RASIP1: variants seen among roughly 807,000 people sequenced by gnomAD.
RASIP1 encodes ras-interacting protein 1.
A neutral mutation model predicts 85.3 loss-of-function variants in RASIP1; 20 were observed. The observed-to-expected ratio is 0.23, with a 90% CI of 0.17 to 0.34. The LOEUF is 0.34. RASIP1 is among the 10% of genes least tolerant of loss of function. RASIP1 has a pLI of 1.00. For missense variants in RASIP1, 1,170 were observed against 1,390.9 expected, an observed-to-expected ratio of 0.84 and a Z score of 2.53; for synonymous variants, 617 against 647.1, an observed-to-expected ratio of 0.95 and a Z score of 0.71.
intron 11 of RASIP1, among the ~76,000 whole-genome samples, chr19:48,721,342 G>T (rs922805809): frequency 1.3e-5 from 2 of 152,078 alleles, no homozygotes; most frequent in Non-Finnish European, 2.9e-5. Flanking sequence ...GGCTGGTGGA[G>T]GGAATGGACT....
intron 3 of RASIP1, chr19:48,737,727 A>G: frequency 1.0e-6 from 1 of 984,902 alleles, no homozygotes; most frequent in South Asian, 4.7e-5. Context: ...TACCACAGAG[A>G]CCCATGCTCA....
At chr19:48,733,836 A>G (rs2033511606) in intron 4 of RASIP1, among the ~76,000 whole-genome samples, 1 of 150,846 alleles carries the variant, frequency 6.6e-6, no homozygotes, top group African/African-American at 2.4e-5. Flanking sequence ...GGGAGGGGGC[A>G]GTGCACTCCT....
At chr19:48,725,646 G>A (rs940126336) in intron 8 of RASIP1, 3 of 152,242 alleles carry the variant, frequency 2.0e-5, no homozygotes, top group African/African-American at 7.2e-5. Context: ...AAGATCTGTC[G>A]TTCTGAAAGG....
At chr19:48,730,932 G>C (rs537255370) in intron 4 of RASIP1, among the ~76,000 whole-genome samples, 1 of 152,046 alleles carries the variant, frequency 6.6e-6, no homozygotes, top group African/African-American at 2.4e-5. Context: ...CACAAGAATC[G>C]CTTGAACCCA....
In RASIP1 at chr19:48,739,617, T is replaced by C. The variant is rs2033633391; in HGVS notation, c.166A>G (p.Ser56Gly). The change falls in exon 3 of 12, where the codon AGC becomes GGC. Residue 56 changes from serine (S) to glycine (G), a missense_variant. Coordinates refer to ENST00000222145, the MANE Select transcript of RASIP1 (RefSeq NM_017805.3). This position sits in a 1 kb window ranked among gnomAD's most constrained non-coding sequence, Gnocchi z 9.2. ...KSSSSDTGSR[S>G]SEPLPPPPPH... ...GGGGGCGGAGGTAGCGGCTCGCTGC[T>C]GCGGCTCCCCGTGTCCGACGAAGAA... 3 of 1,453,174 alleles carry C rather than the reference T, an allele frequency of 2.1e-6. No individual in the cohort carries two copies. Among genetic ancestry groups the C allele is most frequent in the Non-Finnish European group, 2.7e-6 (3 of 1,102,718 alleles). 90.0% of individuals were successfully genotyped at this position (1,453,174 alleles called of 1,614,324 possible).
intron 4 of RASIP1, among the ~76,000 whole-genome samples, chr19:48,732,286 C>CT (rs2033473744): frequency 6.6e-6 from 1 of 150,666 alleles, no homozygotes; most frequent in South Asian, 2.1e-4. Flanking sequence ...GACGGAGTCT[C>CT]TCTCTGTTGC....
chr19:48,728,827 G>C (rs1374441507), intron 5 of RASIP1, 110 bp downstream of exon 5: 12 of 1,172,542 alleles, frequency 1.0e-5, no homozygotes, highest in African/African-American at 1.6e-5. Flanking sequence ...AGGCGTCATG[G>C]GAACAGTAGT....
At position 48,721,016 on chromosome 19, in the gene RASIP1, C is replaced by CGCGGTTTT. The variant is rs781492022; in HGVS notation, c.2693-20_2693-19insAAAACCGC. The CGCGGTTTT allele has an allele frequency of 6.4e-7, 1 of 1,565,558 alleles. No individual in the cohort carries two copies. The highest frequency in any genetic ancestry group is 8.6e-7 in the Non-Finnish European group (1 of 1,156,634). On this transcript the variant is annotated intron_variant, in intron 11 of 11. Transcript: ENST00000222145. ...ATGTCCCCTGTGAGGCCGAAGGCGGCGCGGTTAGAGTCTGAAAGTGGGAGT... is the reference window on the plus strand; with the variant it reads ...ATGTCCCCTGTGAGGCCGAAGGCGGCGCGGTTTTGCGGTTAGAGTCTGAAAGTGGGAGT...
At position 48,724,134 on chromosome 19, in the gene RASIP1, C is replaced by G. The variant is rs1283158027; in HGVS notation, c.2544+203G>C. 6.6e-6 allele frequency among the ~76,000 whole-genome samples: 1 copy of G among 152,154 alleles called. No individual in the cohort carries two copies. The highest frequency in any genetic ancestry group is 2.4e-5 in the African/African-American group (1 of 41,436). On this transcript the variant is annotated intron_variant, in intron 10 of 11. Coordinates refer to ENST00000222145, the MANE Select transcript of RASIP1 (RefSeq NM_017805.3). The surrounding 1 kb of genome is among the most constrained non-coding windows in gnomAD (Gnocchi z 4.6). The stretch of plus-strand genomic sequence containing the variant: ...GGAAACTATTTTTAATAAGTTCCAC[C>G]AGGATTCAGACACAGCCGAGTTTAG...
chr19:48,737,635 T>G, intron 3 of RASIP1: 1 of 985,396 alleles, frequency 1.0e-6, no homozygotes, highest in Non-Finnish European at 1.2e-6. Flanking sequence ...TCACTCACTC[T>G]GCAGGTGTCG....
Position 48,740,181 on chromosome 19 carries a change from C to A in RASIP1, c.102G>T (p.Lys34Asn). 1 of 1,595,558 alleles carries A rather than the reference C, an allele frequency of 6.3e-7. No homozygotes were observed. Among genetic ancestry groups the A allele is most frequent in the Non-Finnish European group, 8.5e-7 (1 of 1,173,712 alleles). The change falls in exon 2 of 12, where the codon AAG becomes AAT. Residue 34 changes from lysine to asparagine, a missense_variant. This residue lies in a region of RASIP1 where 299 missense variants were observed against 394.4 expected (regional missense o/e 0.76). Transcript: ENST00000222145. This position sits in a 1 kb window ranked among gnomAD's most constrained non-coding sequence, Gnocchi z 5.5. The part of the protein sequence containing the change: ...WINSPRKQLA[K>N]LGRRWPSAAS... ...CTGCGCTGGGCCAGCGCCGCCCCAG[C>A]TTCGCCAGCTGCTTCCTGGGGGAAT...
At position 48,739,448 on chromosome 19, in the gene RASIP1, G is replaced by A; in HGVS notation, c.335C>T (p.Pro112Leu). 1 of 1,455,378 alleles carries A rather than the reference G, an allele frequency of 6.9e-7. No individual in the cohort carries two copies. The highest frequency in any genetic ancestry group is 1.3e-5 in the South Asian group (1 of 76,176). The allele number at this position is 1,455,378 out of a possible 1,614,324, so 90.2% of individuals were successfully genotyped here. A position where few individuals can be genotyped will look rare whatever the true frequency, so the allele number is the denominator to read the frequency against. Residue 112 changes from proline (P) to leucine (L), a missense_variant, in exon 3 of 12, where the codon CCG becomes CTG. Physicochemically the swap from Pro to Leu is moderately conservative, Grantham distance 98. This residue lies in a region of RASIP1 where 299 missense variants were observed against 394.4 expected (regional missense o/e 0.76). Transcript: ENST00000222145. This position sits in a 1 kb window ranked among gnomAD's most constrained non-coding sequence, Gnocchi z 9.2. ...GCTGGCCCAGCGCTGCGCGCCCCCC[G>A]GGGTCCCAGGGCCTCCTGCGCCGCT... ...GSSGAGGPGT[P>L]GGAQRWASEK...
intron 3 of RASIP1, among the ~76,000 whole-genome samples, chr19:48,736,276 G>T (rs1189795566): frequency 1.3e-5 from 2 of 151,884 alleles, no homozygotes; most frequent in Non-Finnish European, 2.9e-5. Flanking sequence ...TGTGGCAGGT[G>T]CCTGTAGTCC....
rs2033310337 is a variant in RASIP1 at position 48,724,648 on chromosome 19, T to C, written c.2371+69A>G. On this transcript the variant is annotated intron_variant, in intron 9 of 11. Transcript: ENST00000222145. This position sits in a 1 kb window ranked among gnomAD's most constrained non-coding sequence, Gnocchi z 4.6. ...AAAGGTGAGGCTTGAGCCCGTGGTG[T>C]GTCTAATATGACCTGAGTCTCAGTG... 1.3e-6 allele frequency: 2 copies of C among 1,594,226 alleles called. No individual in the cohort carries two copies. The highest frequency in any genetic ancestry group is 4.5e-5 in the East Asian group (2 of 44,690).
At position 48,739,942 on chromosome 19, in the gene RASIP1, C is replaced by T. The variant is rs1424930720; in HGVS notation, c.137+204G>A. On this transcript the variant is annotated intron_variant, in intron 2 of 11. Transcript: ENST00000222145. The surrounding 1 kb of genome is among the most constrained non-coding windows in gnomAD (Gnocchi z 9.2). ...TTCTGTCCCCGTCCCCGTGCCCATCCGGCCTCACTCCACCTCCTAGCCTAG... is the reference window on the plus strand; with the variant it reads ...TTCTGTCCCCGTCCCCGTGCCCATCTGGCCTCACTCCACCTCCTAGCCTAG... Among the ~76,000 whole-genome samples, 1 of 152,188 alleles carries T rather than the reference C, an allele frequency of 6.6e-6. No individual in the cohort carries two copies. The highest frequency in any genetic ancestry group is 6.5e-5 in the Admixed American group (1 of 15,278).
At position 48,735,154 on chromosome 19, in the gene RASIP1, G is replaced by T. The variant is rs539866474; in HGVS notation, c.1179+42C>A. 20 of 1,520,954 alleles carry T rather than the reference G, an allele frequency of 1.3e-5. No homozygotes were observed. The South Asian group carries it at 2.3e-4, about 18-fold the overall frequency. The allele number at this position is 1,520,954 out of a possible 1,614,324, so 94.2% of individuals were successfully genotyped here. A position where few individuals can be genotyped will look rare whatever the true frequency, so the allele number is the denominator to read the frequency against. On this transcript the variant is annotated intron_variant, in intron 4 of 11. Transcript: ENST00000222145. ...TTTGTTGCTCACCCACCAACAGATG[G>T]GGTATAGGGCTCTGGGCGTGCGGGG...
At position 48,729,424 on chromosome 19, in the gene RASIP1, A is replaced by G. The variant is rs773581963; in HGVS notation, c.1346T>C (p.Met449Thr). The G allele has an allele frequency of 6.4e-7, 1 of 1,560,088 alleles. No individual in the cohort carries two copies. ...TVRAGPEHPA[M>T]VRPSRGAPVT... is the part of the protein sequence containing the mutation. ...TGGGGCGCCCCGGGACGGGCGCACCATGGCCGGGTGCTCAGGGCCCGCGCG... is the reference window on the plus strand; with the variant it reads ...TGGGGCGCCCCGGGACGGGCGCACCGTGGCCGGGTGCTCAGGGCCCGCGCG... Residue 449 changes from methionine to threonine, a missense_variant, in exon 5 of 12, where the codon ATG becomes ACG. Met to Thr is a moderately conservative substitution (Grantham distance 81). Coordinates refer to ENST00000222145, the MANE Select transcript of RASIP1 (RefSeq NM_017805.3).
chr19:48,735,953 G>A (rs537041285), intron 3 of RASIP1, among the ~76,000 whole-genome samples: 9 of 151,324 alleles, frequency 5.9e-5, no homozygotes, highest in East Asian at 5.9e-4. Flanking sequence ...GCACCACAAC[G>A]CCCGGTTAAT....
chr19:48,739,045 G>A lies in RASIP1; in HGVS notation c.738C>T (p.Pro246=). 3 of 1,250,982 alleles carry A rather than the reference G, an allele frequency of 2.4e-6. No individual in the cohort carries two copies. Among genetic ancestry groups the A allele is most frequent in the Non-Finnish European group, 3.0e-6 (3 of 1,001,700 alleles). The allele number at this position is 1,250,982 out of a possible 1,614,324, so 77.5% of individuals were successfully genotyped here. A position where few individuals can be genotyped will look rare whatever the true frequency, so the allele number is the denominator to read the frequency against. ...GCAACTCGAAGCGCCGCGCCCAGCC[G>A]GGCCGCGCCCGCCACAGCTCCTGCA... ...LLVQELWRAR[P]GWARRFELRG... The change falls in exon 3 of 12, where the codon CCC becomes CCT. Residue 246 remains proline (P), a synonymous_variant. Coordinates refer to ENST00000222145, the MANE Select transcript of RASIP1 (RefSeq NM_017805.3). The surrounding 1 kb of genome is among the most constrained non-coding windows in gnomAD (Gnocchi z 9.2).
Sources: allele counts gnomAD v4.1 joint callset (sites outside exome capture counted in the v4.1 genomes callset), GRCh38; gene constraint gnomAD v4.1.1; regional missense constraint gnomAD v4.1.1; non-coding constraint Gnocchi (gnomAD v3.1); transcripts MANE v1.5; gene names NCBI Gene and HGNC (gene_info 2026-07-23, HGNC 2026-07-21).